The following CHLSN variants were observed in gnomAD, a reference collection of about 807,000 sequenced individuals.
CHLSN encodes protein cholesin.
the CHLSN span, chr7:1,091,431 C>G: frequency 7.9e-6 from 3 of 378,456 alleles, no homozygotes; most frequent in Non-Finnish European, 1.4e-5. Flanking sequence ...AGCAGCTCCA[C>G]GCGGGACTGT....
the CHLSN span, among the ~76,000 whole-genome samples, chr7:1,108,895 A>ATT: frequency 0.03 from 3,836 of 129,480 alleles, 97 homozygotes; most frequent in African/African-American, 0.043. Flanking sequence ...TCTCCCAGGC[A>ATT]TTTTTTTTTT....
At chr7:995,398 G>A in the CHLSN span, among the ~76,000 whole-genome samples, 3 of 152,336 alleles carry the variant, frequency 2.0e-5, no homozygotes, top group South Asian at 2.1e-4. Context: ...TCGAAGGGAG[G>A]CCCAGGTCTT....
the CHLSN span, among the ~76,000 whole-genome samples, chr7:1,126,698 G>A: frequency 2.0e-5 from 3 of 152,096 alleles, no homozygotes; most frequent in Admixed American, 6.6e-5. Flanking sequence ...GAATAAAAAT[G>A]CATCACTTTA....
chr7:1,078,639 T>G, the CHLSN span, among the ~76,000 whole-genome samples: 8 of 152,082 alleles, frequency 5.3e-5, no homozygotes, highest in South Asian at 1.0e-3. Flanking sequence ...AGGGCCCAAA[T>G]GCACTCCCGG....
the CHLSN span, among the ~76,000 whole-genome samples, chr7:990,791 C>T: frequency 6.6e-6 from 1 of 152,022 alleles, no homozygotes; most frequent in Non-Finnish European, 1.5e-5. Flanking sequence ...GCAGAAAGAA[C>T]GGGGTCCTGG....
chr7:1,022,108 G>A, the CHLSN span, among the ~76,000 whole-genome samples: 25 of 152,302 alleles, frequency 1.6e-4, no homozygotes, highest in Non-Finnish European at 2.9e-4. Flanking sequence ...TGAGTCCACC[G>A]GAGTCTGCTC....
chr7:995,215 ACCCCAGGGC>A, the CHLSN span, among the ~76,000 whole-genome samples: 18 of 152,004 alleles, frequency 1.2e-4, no homozygotes, highest in Admixed American at 1.2e-3. Context: ...GGGTAGGGAG[ACCCCAGGGC>A]ATTGCGTGGT....
chr7:989,127 C>T, the CHLSN span: 4 of 388,236 alleles, frequency 1.0e-5, no homozygotes, highest in South Asian at 8.6e-5. Context: ...CCACCTAGCT[C>T]CCCCCAGGGC....
At chr7:1,081,701 C>A in the CHLSN span, among the ~76,000 whole-genome samples, 1 of 149,446 alleles carries the variant, frequency 6.7e-6, no homozygotes, top group East Asian at 1.9e-4. Context: ...CAAGGCGCAG[C>A]CTGGGGGAGG....
the CHLSN span, among the ~76,000 whole-genome samples, chr7:1,016,664 CACAG>C: frequency 1.3e-5 from 1 of 77,776 alleles, no homozygotes; most frequent in African/African-American, 4.9e-5. Context: ...CACAGCAGCG[CACAG>C]CAGCACACGC....
chr7:1,053,391 C>A, the CHLSN span, among the ~76,000 whole-genome samples: 1 of 152,256 alleles, frequency 6.6e-6, no homozygotes, highest in Admixed American at 6.5e-5. Context: ...AGCTCAGTGA[C>A]AGGGAGCTGG....
chr7:985,944 G>C, the CHLSN span, among the ~76,000 whole-genome samples: 1 of 152,120 alleles, frequency 6.6e-6, no homozygotes, highest in Non-Finnish European at 1.5e-5. Flanking sequence ...CGAGAGCAGG[G>C]GGCACAGCTT....
At chr7:982,887 G>C in the CHLSN span, among the ~76,000 whole-genome samples, 2 of 152,216 alleles carry the variant, frequency 1.3e-5, no homozygotes, top group Admixed American at 6.5e-5. Flanking sequence ...AGGCCAAGGG[G>C]CCTGGACTGG....
At chr7:1,109,314 C>T in the CHLSN span, 1 of 152,176 alleles carries the variant, frequency 6.6e-6, no homozygotes, top group African/African-American at 2.4e-5. Context: ...TTGTTTTAAA[C>T]AATTTTAAAA....
chr7:1,088,852 C>T, the CHLSN span, among the ~76,000 whole-genome samples: 3 of 151,952 alleles, frequency 2.0e-5, no homozygotes, highest in African/African-American at 7.3e-5. The surrounding 1 kb of genome is among the most constrained non-coding windows in gnomAD (Gnocchi z 4.5). Context: ...GTGAATGGCA[C>T]ACTAGGTTCC....
the CHLSN span, chr7:1,000,614 C>T: frequency 7.2e-7 from 1 of 1,379,780 alleles, no homozygotes; most frequent in Non-Finnish European, 1.0e-6. Context: ...AGCTGTCTGC[C>T]CTGAGAGATC....
At chr7:1,016,604 TACAGCAGCGC>T in the CHLSN span, among the ~76,000 whole-genome samples, 4 of 24,928 alleles carry the variant, frequency 1.6e-4, no homozygotes, top group African/African-American at 2.4e-4. Flanking sequence ...CACAGCAGCG[TACAGCAGCGC>T]ACGCCAGAGC....
chr7:1,091,187 C>T, the CHLSN span, among the ~76,000 whole-genome samples: 8 of 152,340 alleles, frequency 5.3e-5, no homozygotes, highest in Admixed American at 3.3e-4. Context: ...GCTGAGCAGC[C>T]GTGGGACCTG....
chr7:987,147 T>C, the CHLSN span: 1 of 1,573,338 alleles, frequency 6.4e-7, no homozygotes, highest in South Asian at 1.2e-5. Flanking sequence ...GCCAACGCGG[T>C]GGCCTGCACC....
Sources: allele counts gnomAD v4.1 joint callset (sites outside exome capture counted in the v4.1 genomes callset), GRCh38; gene constraint gnomAD v4.1.1; non-coding constraint Gnocchi (gnomAD v3.1); transcripts MANE v1.5; gene names NCBI Gene and HGNC (gene_info 2026-07-23, HGNC 2026-07-21).